Variants in STAG1 observed in about 807,000 individuals in gnomAD.
STAG1 encodes the protein cohesin subunit SA-1.
A neutral mutation model predicts 170.9 loss-of-function variants in STAG1; 26 were observed. The observed-to-expected ratio is 0.15, with a 90% CI of 0.11 to 0.21. The LOEUF is 0.21. STAG1 is among the 10% of genes least tolerant of loss of function. The pLI is 1.00. For synonymous variants in STAG1, 514 were observed against 497.7 expected, an observed-to-expected ratio of 1.03 and a Z score of -0.44; for missense variants, 964 against 1,509.5, an observed-to-expected ratio of 0.64 and a Z score of 5.99.
At chr3:136,477,764 A>G (rs528414902) in intron 9 of STAG1, among the ~76,000 whole-genome samples, 2 of 152,284 alleles carry the variant, frequency 1.3e-5, no homozygotes, top group East Asian at 3.9e-4. Flanking sequence ...GTACAGAATA[A>G]TGTTTCTCAA....
At position 136,736,678 on chromosome 3, in the gene STAG1, C is replaced by A; in HGVS notation, c.-84+15517G>T. 3.7e-6 allele frequency: 6 copies of A among 1,604,576 alleles called. 1 individual carries two copies. The South Asian group carries it at 6.6e-5, about 18-fold the overall frequency. ...TTTTCTTGAGCTTCAATCTCTTCTCCCCTTTGTCGTTTCCTTTCAGCATCT... is the reference window on the plus strand; with the variant it reads ...TTTTCTTGAGCTTCAATCTCTTCTCACCTTTGTCGTTTCCTTTCAGCATCT... On this transcript the variant is annotated intron_variant, in intron 1 of 33. Coordinates refer to ENST00000383202, the MANE Select transcript of STAG1 (RefSeq NM_005862.3).
At chr3:136,495,474 C>A (rs1933027855) in intron 9 of STAG1, among the ~76,000 whole-genome samples, 1 of 152,072 alleles carries the variant, frequency 6.6e-6, no homozygotes, top group African/African-American at 2.4e-5. Flanking sequence ...CTGTAAAGGT[C>A]ACCATCAAGA....
intron 1 of STAG1, among the ~76,000 whole-genome samples, chr3:136,705,591 T>G (rs1943207130): frequency 6.6e-6 from 1 of 152,094 alleles, no homozygotes; most frequent in Admixed American, 6.6e-5. Flanking sequence ...TCCCATGCTG[T>G]TCTCGTGATA....
chr3:136,418,360 C>CAAAAAAA lies in STAG1; in HGVS notation c.2109-395_2109-389dup, dbSNP rs767401141. 1.5e-3 allele frequency among the ~76,000 whole-genome samples: 75 copies of CAAAAAAA among 49,750 alleles called. 8 individuals are homozygous for CAAAAAAA. The highest frequency in any genetic ancestry group is 5.0e-3 in the African/African-American group (46 of 9,260). The allele number at this position is 49,750 out of a possible 152,430, so 32.6% of individuals were successfully genotyped here. A position where few individuals can be genotyped will look rare whatever the true frequency, so the allele number is the denominator to read the frequency against. ...GGGTAACTGAGCAAGACTCTGTCTC[C>CAAAAAAA]AAAAAAAAAAAAAAAAAAAAAAAAA... On this transcript the variant is annotated intron_variant, in intron 20 of 33. Transcript: ENST00000383202.
At chr3:136,459,717 A>C (rs2089222064) in intron 13 of STAG1, among the ~76,000 whole-genome samples, 1 of 152,212 alleles carries the variant, frequency 6.6e-6, no homozygotes, top group African/African-American at 2.4e-5. Flanking sequence ...GAAGGAATGG[A>C]AATTGTTCAA....
At chr3:136,674,660 G>A (rs1942079540) in intron 1 of STAG1, among the ~76,000 whole-genome samples, 1 of 152,124 alleles carries the variant, frequency 6.6e-6, no homozygotes, top group Non-Finnish European at 1.5e-5. Flanking sequence ...CCTAAATAAA[G>A]TTGTTTTTTA....
At chr3:136,526,693 G>T (rs1193053047) in intron 6 of STAG1, among the ~76,000 whole-genome samples, 1 of 152,122 alleles carries the variant, frequency 6.6e-6, no homozygotes, top group East Asian at 1.9e-4. Context: ...AGCATCCATG[G>T]TCTTTACAAT....
intron 1 of STAG1, among the ~76,000 whole-genome samples, chr3:136,698,731 C>A (rs1942968150): frequency 6.6e-6 from 1 of 152,120 alleles, no homozygotes; most frequent in African/African-American, 2.4e-5. Context: ...AAGGAAAAGT[C>A]ATTATATGAA....
intron 22 of STAG1, among the ~76,000 whole-genome samples, chr3:136,393,590 C>CTTTTTTTTT (rs774648941): frequency 1.5e-5 from 2 of 130,132 alleles, no homozygotes; most frequent in Admixed American, 8.0e-5. Context: ...TACGCTTCAT[C>CTTTTTTTTT]TTTTTTTTTT....
chr3:136,502,830 A>AT (rs765120682), intron 7 of STAG1, 51 bp from the exon 8 acceptor site: 3 of 1,367,646 alleles, frequency 2.2e-6, no homozygotes, highest in Non-Finnish European at 1.9e-6. Flanking sequence ...CTTTATCCAT[A>AT]TAAGATTACA....
At chr3:136,586,257 T>C (rs73863631) in intron 4 of STAG1, among the ~76,000 whole-genome samples, 1,782 of 150,596 alleles carry the variant, frequency 0.012, 19 homozygotes, top group African/African-American at 0.027. Flanking sequence ...CATATACATA[T>C]ACACACACAC....
intron 7 of STAG1, among the ~76,000 whole-genome samples, chr3:136,509,973 T>C (rs965146289): frequency 2.6e-5 from 4 of 152,242 alleles, no homozygotes; most frequent in Non-Finnish European, 4.4e-5. Flanking sequence ...CTTATTTTTT[T>C]TAAAAGGGAT....
chr3:136,497,282 A>G (rs750094322), intron 9 of STAG1, among the ~76,000 whole-genome samples: 1 of 152,214 alleles, frequency 6.6e-6, no homozygotes, highest in Non-Finnish European at 1.5e-5. Context: ...GATATTCATT[A>G]AAATAAAGTT....
In STAG1 at chr3:136,521,310, T is replaced by C. The variant is rs763170164; in HGVS notation, c.579A>G (p.Ile193Met). The part of the protein sequence containing the change: ...GVLIRQCQYS[I>M]IYDEYMMDTV... ...TGTCCATCATATACTCATCATAAAT[T>C]ATGCTATACTGACACTGTCGAATCA... is the stretch of plus-strand genomic sequence containing the variant. The change falls in exon 7 of 34, where the codon ATA becomes ATG. Residue 193 changes from isoleucine (I) to methionine (M), a missense_variant. By Grantham distance (10) the Ile-to-Met change is conservative. Coordinates refer to ENST00000383202, the MANE Select transcript of STAG1 (RefSeq NM_005862.3). The C allele has an allele frequency of 6.2e-7, 1 of 1,613,792 alleles. No homozygotes were observed. The highest frequency in any genetic ancestry group is 8.5e-7 in the Non-Finnish European group (1 of 1,179,810).
At chr3:136,530,097 T>C (rs940087943) in intron 6 of STAG1, among the ~76,000 whole-genome samples, 10 of 152,040 alleles carry the variant, frequency 6.6e-5, no homozygotes, top group African/African-American at 2.4e-4. Context: ...ATACTTATGA[T>C]GAGTGAAACA....
chr3:136,729,570 CTTTTT>C (rs34078029), intron 1 of STAG1, among the ~76,000 whole-genome samples: 6 of 94,636 alleles, frequency 6.3e-5, no homozygotes, highest in African/African-American at 1.4e-4. Flanking sequence ...TGTAGTTTTC[CTTTTT>C]TTTTTTTTTT....
intron 15 of STAG1, among the ~76,000 whole-genome samples, chr3:136,435,554 T>TA (rs1230704834): frequency 2.0e-5 from 3 of 152,012 alleles, no homozygotes; most frequent in Admixed American, 6.6e-5. Flanking sequence ...CTAGTACCAT[T>TA]AAAAAAAATG....
chr3:136,680,021 T>G (rs1942281337), intron 1 of STAG1, among the ~76,000 whole-genome samples: 1 of 152,040 alleles, frequency 6.6e-6, no homozygotes, highest in South Asian at 2.1e-4. Context: ...CTAAATAAAT[T>G]TTATACAACA....
At chr3:136,743,105 G>A (rs913107211) in intron 1 of STAG1, among the ~76,000 whole-genome samples, 3 of 152,112 alleles carry the variant, frequency 2.0e-5, no homozygotes, top group Non-Finnish European at 4.4e-5. Flanking sequence ...AGTGGCTCAC[G>A]CCTGTAATCC....
Sources: gnomAD v4.1 joint callset for allele counts (sites outside exome capture counted in the v4.1 genomes callset) on GRCh38, gnomAD v4.1.1 for gene constraint, MANE v1.5 for transcripts, NCBI Gene and HGNC (gene_info 2026-07-23, HGNC 2026-07-21) for gene names.